ZNF700: variants seen among roughly 807,000 people sequenced by gnomAD.
The protein encoded by ZNF700 is zinc finger protein 700.
ZNF700 carries 38 observed loss-of-function variants against 65.3 expected under a neutral mutation model. That is an observed-to-expected ratio of 0.58 (90% CI 0.45 to 0.76). The LOEUF (loss-of-function observed/expected upper bound fraction) is 0.76, where lower values mean the gene tolerates loss of function less well. ZNF700 is among the 30% of genes least tolerant of loss of function. ZNF700 has a pLI of 0.00. For missense variants in ZNF700, 857 were observed against 888.4 expected (o/e 0.96, Z 0.45); for synonymous variants, 285 against 290.4 (o/e 0.98, Z 0.19).
At chr19:11,943,155 T>C (rs955004072) in intron 1 of ZNF700, among the ~76,000 whole-genome samples, 1 of 152,206 alleles carries the variant, frequency 6.6e-6, no homozygotes, top group African/African-American at 2.4e-5. Flanking sequence ...CTCCTAGTGC[T>C]GGAAACCATT....
rs1412671027 is a variant in ZNF700 at position 11,948,854 on chromosome 19, C to T, written c.830C>T (p.Pro277Leu). ...GAAAGAACTCACACTGGGGAGAAGC[C>T]CTATGAATGTAGCAAATGTGATAAA... ...IHERTHTGEK[P>L]YECSKCDKAF... The change falls in exon 4 of 4, where the codon CCC becomes CTC. Residue 277 changes from proline to leucine, a missense_variant. Pro to Leu is a moderately conservative substitution (Grantham distance 98). Around this residue, in one of 3 missense-constraint regions of ZNF700, gnomAD observed 603 missense variants for 619.9 expected, o/e 0.97. Coordinates refer to ENST00000254321, the MANE Select transcript of ZNF700 (RefSeq NM_144566.3). 3.0e-5 allele frequency: 48 copies of T among 1,606,404 alleles called. No individual in the cohort carries two copies. The highest frequency in any genetic ancestry group is 4.1e-5 in the Non-Finnish European group (48 of 1,178,376).
Position 11,925,134 on chromosome 19 carries a change from G to T in ZNF700, c.-77G>T. ...TCACCTTCCTCGCTGCGCGGGCGGC[G>T]GTTGGTAACCGGTCAGACCAGCCCG... On this transcript the variant is annotated 5_prime_UTR_variant, in exon 1 of 4. Transcript: ENST00000254321. 6.4e-7 allele frequency: 1 copy of T among 1,566,460 alleles called. No individual in the cohort carries two copies. Among genetic ancestry groups the T allele is most frequent in the South Asian group, 1.1e-5 (1 of 89,142 alleles).
chr19:11,937,047 A>G (rs1233103090), intron 1 of ZNF700, among the ~76,000 whole-genome samples: 2 of 152,104 alleles, frequency 1.3e-5, no homozygotes, highest in Non-Finnish European at 2.9e-5. Flanking sequence ...ATTGGTCTAT[A>G]TATCTGTTTT....
At chr19:11,937,711 A>G (rs1972819349) in intron 1 of ZNF700, among the ~76,000 whole-genome samples, 1 of 151,712 alleles carries the variant, frequency 6.6e-6, no homozygotes. Flanking sequence ...GATGGTCTCG[A>G]TCTCCTGACC....
rs189254420 is a variant in ZNF700, at chr19:11,942,076, C to A, written c.64-5105C>A. On this transcript the variant is annotated intron_variant, in intron 1 of 3. Transcript: ENST00000254321. The stretch of plus-strand genomic sequence containing the variant: ...TGTCCCCTTTCCTTTGCCCTTCTTA[C>A]CAGCATCTATCTAGCTGCATTCTGA... Among the ~76,000 whole-genome samples the A allele has an allele frequency of 7.9e-5, 12 of 152,010 alleles. No individual in the cohort carries two copies. In the East Asian group the frequency reaches 2.1e-3, roughly 27 times the overall value.
chr19:11,930,159 G>A (rs1445685352), intron 1 of ZNF700, among the ~76,000 whole-genome samples: 8 of 148,360 alleles, frequency 5.4e-5, no homozygotes, highest in Admixed American at 5.3e-4. Context: ...TACCCAGTTC[G>A]TGGGTGCTCA....
rs1299368046 is a variant in ZNF700, at chr19:11,945,771, A to T, written c.64-1410A>T. Reference sequence around the variant, plus strand: ...TCCCTTTCCGGGTAACTTTAGCTGTAAAAGAGCTGTGCTCTGTAAGAGAGA... The same window carrying T: ...TCCCTTTCCGGGTAACTTTAGCTGTTAAAGAGCTGTGCTCTGTAAGAGAGA... On this transcript the variant is annotated intron_variant, in intron 1 of 3. Coordinates refer to ENST00000254321, the MANE Select transcript of ZNF700 (RefSeq NM_144566.3). 7.2e-5 allele frequency among the ~76,000 whole-genome samples: 11 copies of T among 152,166 alleles called. 1 individual carries two copies. In the South Asian group the frequency reaches 1.5e-3, roughly 20 times the overall value.
intron 1 of ZNF700, among the ~76,000 whole-genome samples, chr19:11,928,731 CAAAAAAAAAAA>C (rs779525520): frequency 5.6e-5 from 3 of 53,452 alleles, no homozygotes; most frequent in African/African-American, 1.3e-4. Flanking sequence ...GACTCCGTCT[CAAAAAAAAAAA>C]AAAAAAAAAG....
intron 1 of ZNF700, among the ~76,000 whole-genome samples, chr19:11,937,520 G>A (rs528022): frequency 5.1e-5 from 7 of 137,752 alleles, no homozygotes; most frequent in South Asian, 2.2e-4. Flanking sequence ...ACAGAGTCTC[G>A]CTCTGTCACC....
At chr19:11,945,123 TG>T (rs1257939217) in intron 1 of ZNF700, among the ~76,000 whole-genome samples, 5 of 152,244 alleles carry the variant, frequency 3.3e-5, no homozygotes, top group African/African-American at 1.2e-4. Context: ...TAAAAGGCTT[TG>T]TTAGATTAGG....
rs746719395 is a variant in ZNF700, at chr19:11,926,078, T to TAGGA, written c.63+813_63+816dup. ...AAGTTTGTCTAAAGTTTGGAGGAGG[T>TAGGA]AGGAAGGAAGGGGGTCTGTTATCTG... On this transcript the variant is annotated intron_variant, in intron 1 of 3. Coordinates refer to ENST00000254321, the MANE Select transcript of ZNF700 (RefSeq NM_144566.3). Among the ~76,000 whole-genome samples, 4 of 150,026 alleles carry TAGGA rather than the reference T, an allele frequency of 2.7e-5. No individual in the cohort carries two copies. In the East Asian group the frequency reaches 5.8e-4, roughly 22 times the overall value.
intron 1 of ZNF700, among the ~76,000 whole-genome samples, chr19:11,928,333 T>C (rs1219180400): frequency 6.6e-6 from 1 of 152,180 alleles, no homozygotes; most frequent in Non-Finnish European, 1.5e-5. Context: ...CCCCCAGAGC[T>C]TGTTTTCTTT....
rs1972669092 is a variant in ZNF700, at chr19:11,928,637, C to T, written c.63+3364C>T. Among the ~76,000 whole-genome samples, 4 of 144,142 alleles carry T rather than the reference C, an allele frequency of 2.8e-5. No homozygotes were observed. In the Admixed American group the frequency reaches 2.8e-4, roughly 10 times the overall value. The allele number at this position is 144,142 out of a possible 152,430, so 94.6% of individuals were successfully genotyped here. On this transcript the variant is annotated intron_variant, in intron 1 of 3. Transcript: ENST00000254321. The stretch of plus-strand genomic sequence containing the variant: ...GTCCCAGCTACTTGGGAGGCTGAGG[C>T]AGGAGAATGGCGTGAACCCGGGAGG...
chr19:11,933,794 G>A (rs1972748787), intron 1 of ZNF700, among the ~76,000 whole-genome samples: 1 of 145,232 alleles, frequency 6.9e-6, no homozygotes, highest in Non-Finnish European at 1.5e-5. Context: ...GCAGTGAGCT[G>A]AGATGGCGCC....
chr19:11,948,754 C>T lies in ZNF700; in HGVS notation c.730C>T (p.His244Tyr). 1 of 1,611,892 alleles carries T rather than the reference C, an allele frequency of 6.2e-7. No homozygotes were observed. The highest frequency in any genetic ancestry group is 8.5e-7 in the Non-Finnish European group (1 of 1,179,564). ...TTTATATCTTATCCATGAAAGAACT[C>T]ACACTGGAGAGAAACCATATGAATG... ...FSLYLIHERT[H>Y]TGEKPYECKQ... Residue 244 changes from histidine to tyrosine, a missense_variant, in exon 4 of 4, where the codon CAC (histidine) becomes TAC (tyrosine). His to Tyr is a moderately conservative substitution (Grantham distance 83). This residue lies in a region of ZNF700 where 603 missense variants were observed against 619.9 expected (regional missense o/e 0.97). Coordinates refer to ENST00000254321, the MANE Select transcript of ZNF700 (RefSeq NM_144566.3).
At chr19:11,943,733 A>G (rs1254696814) in intron 1 of ZNF700, among the ~76,000 whole-genome samples, 1 of 152,250 alleles carries the variant, frequency 6.6e-6, no homozygotes. Context: ...GCCCTACCTC[A>G]GTAACCTGAT....
chr19:11,947,100 G>A lies in ZNF700; in HGVS notation c.64-81G>A. The A allele has an allele frequency of 1.9e-6, 3 of 1,546,670 alleles. No individual in the cohort carries two copies. In the Admixed American group the frequency reaches 6.7e-5, roughly 34 times the overall value. ...AAATGTTTGGAGTCCACAGCATCCTGAGAACTTCTTGGGAATAGAGTCTAG... is the reference window on the plus strand; with the variant it reads ...AAATGTTTGGAGTCCACAGCATCCTAAGAACTTCTTGGGAATAGAGTCTAG... On this transcript the variant is annotated intron_variant, in intron 1 of 3. Coordinates refer to ENST00000254321, the MANE Select transcript of ZNF700 (RefSeq NM_144566.3).
rs948062508 is a variant in ZNF700 at position 11,933,923 on chromosome 19, A to G, written c.63+8650A>G. ...ACACCCCAGCTCAGGTGATCCTCCCACCTCAGCTTCCCAAAGTGCTGGGAT... is the reference window on the plus strand; with the variant it reads ...ACACCCCAGCTCAGGTGATCCTCCCGCCTCAGCTTCCCAAAGTGCTGGGAT... On this transcript the variant is annotated intron_variant, in intron 1 of 3. Transcript: ENST00000254321. 1.4e-5 allele frequency among the ~76,000 whole-genome samples: 2 copies of G among 146,914 alleles called. 1 individual carries two copies. The highest frequency in any genetic ancestry group is 5.4e-5 in the African/African-American group (2 of 37,112).
chr19:11,931,588 G>A (rs1286814870), intron 1 of ZNF700, among the ~76,000 whole-genome samples: 1 of 147,922 alleles, frequency 6.8e-6, no homozygotes, highest in East Asian at 1.9e-4. Context: ...GTCTTTAGAA[G>A]TACCTTTTTC....
Sources: allele counts gnomAD v4.1 joint callset (sites outside exome capture counted in the v4.1 genomes callset), GRCh38; gene constraint gnomAD v4.1.1; regional missense constraint gnomAD v4.1.1; transcripts MANE v1.5; gene names NCBI Gene and HGNC (gene_info 2026-07-23, HGNC 2026-07-21).